The following DCDC1 variants were observed in gnomAD, a reference collection of about 807,000 sequenced individuals.
DCDC1 encodes doublecortin domain containing 1.
A neutral mutation model predicts 178.3 loss-of-function variants in DCDC1; 200 were observed. The observed-to-expected ratio is 1.12, with a 90% CI of 1.00 to 1.26. The LOEUF is 1.26. Among genes scored for constraint, DCDC1 ranks in the 50% most tolerant of loss-of-function variants. DCDC1 has a pLI of 0.00. For synonymous variants in DCDC1, 690 were observed against 604.8 expected (o/e 1.14, Z -2.07); for missense variants, 1,983 against 1,749.2 (o/e 1.13, Z -2.38).
At chr11:31,120,483 C>T (rs1378612236) in intron 11 of DCDC1, among the ~76,000 whole-genome samples, 1 of 152,118 alleles carries the variant, frequency 6.6e-6, no homozygotes, top group Non-Finnish European at 1.5e-5. Context: ...GCCAACACTC[C>T]ATTGATTTGT....
intron 18 of DCDC1, among the ~76,000 whole-genome samples, chr11:31,076,193 T>A (rs1170153416): frequency 6.6e-6 from 1 of 152,054 alleles, no homozygotes; most frequent in Admixed American, 6.6e-5. Flanking sequence ...TTTTCTTTAG[T>A]TTTGTTTGAC....
At chr11:31,060,802 T>C (rs919812335) in intron 20 of DCDC1, among the ~76,000 whole-genome samples, 1 of 152,170 alleles carries the variant, frequency 6.6e-6, no homozygotes, top group Non-Finnish European at 1.5e-5. Context: ...GGTTAGTTAT[T>C]TGTCTATATA....
intron 11 of DCDC1, among the ~76,000 whole-genome samples, chr11:31,118,781 C>T (rs909555770): frequency 6.6e-6 from 1 of 152,172 alleles, no homozygotes. Context: ...GGCAATTCTC[C>T]GGGCACCTTC....
chr11:31,270,271 T>G (rs1191762617), intron 7 of DCDC1, among the ~76,000 whole-genome samples: 1 of 152,210 alleles, frequency 6.6e-6, no homozygotes, highest in Non-Finnish European at 1.5e-5. Context: ...AACATGAAAT[T>G]CAAATTTAAG....
At chr11:31,289,911 T>C (rs542570635) in intron 7 of DCDC1, among the ~76,000 whole-genome samples, 1 of 152,106 alleles carries the variant, frequency 6.6e-6, no homozygotes, top group African/African-American at 2.4e-5. Flanking sequence ...TTTTACTGTC[T>C]CTCATACATT....
intron 15 of DCDC1, among the ~76,000 whole-genome samples, chr11:31,098,050 T>C (rs934833257): frequency 2.0e-5 from 3 of 152,190 alleles, no homozygotes; most frequent in Admixed American, 2.0e-4. Context: ...GTCACTAATG[T>C]CCTGCTGATG....
intron 9 of DCDC1, among the ~76,000 whole-genome samples, chr11:31,175,772 C>T (rs1354954280): frequency 1.3e-5 from 2 of 152,158 alleles, no homozygotes; most frequent in African/African-American, 4.8e-5. Context: ...CAGGCTAGGC[C>T]ACTAAAGCAA....
At chr11:31,062,497 T>A (rs1318179203) in intron 20 of DCDC1, among the ~76,000 whole-genome samples, 2 of 152,032 alleles carry the variant, frequency 1.3e-5, no homozygotes, top group Non-Finnish European at 2.9e-5. Flanking sequence ...GAGCTGAGAA[T>A]CTTGTATGTG....
intron 1 of DCDC1, among the ~76,000 whole-genome samples, chr11:31,348,995 T>C (rs1247766759): frequency 6.6e-6 from 1 of 151,054 alleles, no homozygotes; most frequent in Admixed American, 6.7e-5. Flanking sequence ...AAACTTGCAT[T>C]ATCAAAATTC....
At position 30,947,143 on chromosome 11, in the gene DCDC1, T is replaced by A. The variant is rs77302221; in HGVS notation, c.2715+5302A>T. ...TAGACAAAGATGAAGAGAAAATTAATAATATGGAAGAAAAATGTCTGAAAA... is the reference window on the plus strand; with the variant it reads ...TAGACAAAGATGAAGAGAAAATTAAAAATATGGAAGAAAAATGTCTGAAAA... On this transcript the variant is annotated intron_variant, in intron 21 of 38. Coordinates refer to ENST00000684477, the MANE Select transcript of DCDC1 (RefSeq NM_001387274.1). Among the ~76,000 whole-genome samples, 11 of 152,080 alleles carry A rather than the reference T, an allele frequency of 7.2e-5. No homozygotes were observed. The East Asian group carries it at 1.9e-3, about 27-fold the overall frequency.
At chr11:31,063,198 A>G (rs897901907) in intron 20 of DCDC1, among the ~76,000 whole-genome samples, 4 of 151,996 alleles carry the variant, frequency 2.6e-5, no homozygotes, top group African/African-American at 9.7e-5. Flanking sequence ...AAGTCAGGAA[A>G]CAACAGGTGC....
At chr11:30,893,781 T>C (rs778361494) in intron 35 of DCDC1, among the ~76,000 whole-genome samples, 18 of 152,224 alleles carry the variant, frequency 1.2e-4, no homozygotes, top group Admixed American at 2.0e-4. Context: ...CTTTATCTTT[T>C]TGACTTTTTT....
chr11:31,118,365 T>C (rs921490320), intron 11 of DCDC1, among the ~76,000 whole-genome samples: 3 of 152,098 alleles, frequency 2.0e-5, no homozygotes, highest in African/African-American at 7.2e-5. Context: ...AAGTAATCCA[T>C]TTTTTTCATC....
chr11:31,016,723 C>T (rs1952504988), intron 20 of DCDC1, among the ~76,000 whole-genome samples: 1 of 152,170 alleles, frequency 6.6e-6, no homozygotes, highest in African/African-American at 2.4e-5. Context: ...TTGCTTGCAA[C>T]TTAAATTACC....
chr11:30,904,588 G>C (rs1944928401), intron 31 of DCDC1: 1 of 220,424 alleles, frequency 4.5e-6, no homozygotes, highest in South Asian at 8.2e-5. Context: ...TGGTGAATGA[G>C]GTGGCATCTC....
chr11:31,055,934 C>G (rs897729354), intron 20 of DCDC1, among the ~76,000 whole-genome samples: 4 of 152,106 alleles, frequency 2.6e-5, no homozygotes, highest in African/African-American at 9.7e-5. Context: ...ACCAAAATCT[C>G]ACAAATCACC....
chr11:31,358,161 GGCA>G (rs1322574226), intron 1 of DCDC1, among the ~76,000 whole-genome samples: 3 of 151,384 alleles, frequency 2.0e-5, no homozygotes, highest in African/African-American at 7.3e-5. Context: ...CAAAGCTGGA[GGCA>G]TCACGCTACC....
At chr11:31,048,196 C>G (rs1019937720) in intron 20 of DCDC1, among the ~76,000 whole-genome samples, 1 of 152,120 alleles carries the variant, frequency 6.6e-6, no homozygotes, top group African/African-American at 2.4e-5. Context: ...GAAGTTATGC[C>G]ATCTCTCCTT....
intron 11 of DCDC1, among the ~76,000 whole-genome samples, chr11:31,119,192 G>T (rs112754833): frequency 0.013 from 1,972 of 152,220 alleles, 22 homozygotes; most frequent in Middle Eastern, 0.095. Context: ...CTTTAAAATG[G>T]GCAGTCCAAT....
Sources: allele counts gnomAD v4.1 joint callset (sites outside exome capture counted in the v4.1 genomes callset), GRCh38; gene constraint gnomAD v4.1.1; transcripts MANE v1.5; gene names NCBI Gene and HGNC (gene_info 2026-07-23, HGNC 2026-07-21).